The following SLC26A3 variants were observed in gnomAD, a reference collection of about 807,000 sequenced individuals.
The protein encoded by SLC26A3 is solute carrier family 26 member 3.
SLC26A3 carries 64 observed loss-of-function variants against 85.6 expected under a neutral mutation model. The ratio of observed to expected loss-of-function variants is 0.75; its 90% CI spans 0.61 to 0.92. The LOEUF (loss-of-function observed/expected upper bound fraction) is 0.92. SLC26A3 is among the 40% of genes least tolerant of loss of function. The pLI is 0.00. For synonymous variants in SLC26A3, 349 were observed against 336.0 expected (o/e 1.04, Z -0.42); for missense variants, 922 against 927.3 (o/e 0.99, Z 0.07).
intron 1 of SLC26A3, among the ~76,000 whole-genome samples, chr7:107,797,595 C>T (rs1794530299): frequency 6.6e-6 from 1 of 152,192 alleles, no homozygotes; most frequent in Non-Finnish European, 1.5e-5. Flanking sequence ...ATCCCCGCTT[C>T]CAAAAGCTAT....
At chr7:107,790,885 T>A (rs1794385649) in intron 5 of SLC26A3, among the ~76,000 whole-genome samples, 163 bp downstream of exon 5, 1 of 152,090 alleles carries the variant, frequency 6.6e-6, no homozygotes. Context: ...CTCCCTCTGG[T>A]TGTGGTGAGT....
chr7:107,775,237 A>G (rs1004000352), intron 15 of SLC26A3, among the ~76,000 whole-genome samples: 2 of 152,152 alleles, frequency 1.3e-5, no homozygotes, highest in African/African-American at 2.4e-5. Flanking sequence ...TTGCACCTAC[A>G]TAAGTATTCT....
chr7:107,766,166 T>TA (rs1435271504), intron 20 of SLC26A3, among the ~76,000 whole-genome samples: 1 of 152,210 alleles, frequency 6.6e-6, no homozygotes, highest in Non-Finnish European at 1.5e-5. Context: ...ATTCAGCTGT[T>TA]ACCCCAGTCA....
At chr7:107,793,090 C>A (rs1395491282) in intron 3 of SLC26A3, among the ~76,000 whole-genome samples, 4 of 152,154 alleles carry the variant, frequency 2.6e-5, no homozygotes, top group East Asian at 3.9e-4. Flanking sequence ...TGGACAATAA[C>A]AAGTGTTGAT....
Position 107,768,054 on chromosome 7 carries a change from A to G in SLC26A3, c.2063-146T>C, listed in dbSNP as rs568738068. On this transcript the variant is annotated intron_variant, in intron 18 of 20. Coordinates refer to ENST00000340010, the MANE Select transcript of SLC26A3 (RefSeq NM_000111.3). ...TGTGTGTGGGTTGCAGTGGTATAATACCAGTCTATCTTTAGTACAATGTCT... is the reference window on the plus strand; with the variant it reads ...TGTGTGTGGGTTGCAGTGGTATAATGCCAGTCTATCTTTAGTACAATGTCT... 2.7e-5 allele frequency: 19 copies of G among 714,610 alleles called. No homozygotes were observed. The African/African-American group carries it at 2.8e-4, about 11-fold the overall frequency. 44.3% of individuals were successfully genotyped at this position (714,610 alleles called of 1,614,324 possible). A position where few individuals can be genotyped will look rare whatever the true frequency, so the allele number is the denominator to read the frequency against.
intron 6 of SLC26A3, among the ~76,000 whole-genome samples, chr7:107,788,763 T>A (rs1794340546): frequency 6.7e-6 from 1 of 148,608 alleles, no homozygotes; most frequent in South Asian, 2.1e-4. Context: ...TTTCTTTTCT[T>A]TTCTTTTTCT....
Position 107,772,044 on chromosome 7 carries a change from A to T in SLC26A3, c.2062+10T>A. 1 of 1,605,930 alleles carries T rather than the reference A, an allele frequency of 6.2e-7. No homozygotes were observed. ...TTGTCAGAACATAAAACAAAAATAA[A>T]GCCACTTACCATCAGTTCCAACGAT... On this transcript the variant is annotated intron_variant, in intron 18 of 20. Coordinates refer to ENST00000340010, the MANE Select transcript of SLC26A3 (RefSeq NM_000111.3).
intron 12 of SLC26A3, among the ~76,000 whole-genome samples, chr7:107,778,678 C>A (rs1000060881): frequency 6.6e-6 from 1 of 151,988 alleles, no homozygotes; most frequent in Non-Finnish European, 1.5e-5. Flanking sequence ...CTAATAGAAC[C>A]AGCTGCTGTT....
intron 17 of SLC26A3, 147 bp from the exon 18 acceptor site, chr7:107,772,255 C>A: frequency 1.6e-6 from 1 of 634,480 alleles, no homozygotes; most frequent in Non-Finnish European, 2.8e-6. Flanking sequence ...TCAGAAGATA[C>A]TAAAGTTAAA....
chr7:107,800,129 G>A (rs961432673), intron 1 of SLC26A3, among the ~76,000 whole-genome samples: 4 of 152,084 alleles, frequency 2.6e-5, no homozygotes, highest in African/African-American at 4.8e-5. Flanking sequence ...TAACAGTTCC[G>A]TATCTCTGTA....
rs778152516 is a variant in SLC26A3, at chr7:107,774,838, C to T, written c.1712G>A (p.Arg571His). 15 of 1,613,976 alleles carry T rather than the reference C, an allele frequency of 9.3e-6. No individual in the cohort carries two copies. Among genetic ancestry groups the T allele is most frequent in the African/African-American group, 5.3e-5 (4 of 74,936 alleles). Residue 571 changes from arginine (R) to histidine (H), a missense_variant, in exon 16 of 21, where the codon CGC becomes CAC. Coordinates refer to ENST00000340010, the MANE Select transcript of SLC26A3 (RefSeq NM_000111.3). ...GFSPLRILRK[R>H]NKALRKIRKL... ...TCGGATTTTCCTCAAAGCTTTGTTGCGCTTGCGTAGAATTCGAAGTGGACT... is the reference window on the plus strand; with the variant it reads ...TCGGATTTTCCTCAAAGCTTTGTTGTGCTTGCGTAGAATTCGAAGTGGACT...
intron 6 of SLC26A3, 82 bp downstream of exon 6, chr7:107,789,442 A>C: frequency 7.3e-7 from 1 of 1,367,312 alleles, no homozygotes; most frequent in Non-Finnish European, 1.0e-6. Context: ...CCCCATGGCA[A>C]AGGCATTAAA....
At chr7:107,798,390 T>C (rs1430989622) in intron 1 of SLC26A3, among the ~76,000 whole-genome samples, 1 of 152,164 alleles carries the variant, frequency 6.6e-6, no homozygotes, top group Non-Finnish European at 1.5e-5. Flanking sequence ...GTTCCACCCA[T>C]TTCCAACCTG....
intron 11 of SLC26A3, 30 bp downstream of exon 11, chr7:107,782,767 A>T: frequency 6.3e-7 from 1 of 1,599,310 alleles, no homozygotes; most frequent in Non-Finnish European, 8.6e-7. Context: ...TACCACTAAA[A>T]GTAGAGATGC....
chr7:107,775,289 T>A (rs7800642), intron 15 of SLC26A3, among the ~76,000 whole-genome samples: 7,768 of 152,224 alleles, frequency 0.051, 644 homozygotes, highest in African/African-American at 0.18. Context: ...TATAATGGTA[T>A]GTTATTTATT....
Position 107,786,873 on chromosome 7 carries a change from A to G in SLC26A3, c.925T>C (p.Phe309Leu). Reference protein sequence around the residue: ...IAAGVSYGCDFKNRFKVAVVG... With the variant: ...IAAGVSYGCDLKNRFKVAVVG... ...ACAGCCACTTTAAACCTGTTTTTAA[A>G]GTCACAGCCGTAGGATACACCTGCT... Residue 309 changes from phenylalanine (F) to leucine (L), a missense_variant, in exon 8 of 21, where the codon TTT becomes CTT. Phe to Leu is a conservative substitution (Grantham distance 22, BLOSUM62 0). Transcript: ENST00000340010. 6.2e-7 allele frequency: 1 copy of G among 1,614,166 alleles called. No individual in the cohort carries two copies. Among genetic ancestry groups the G allele is most frequent in the Non-Finnish European group, 8.5e-7 (1 of 1,180,020 alleles).
chr7:107,801,415 G>T (rs1306628728), intron 1 of SLC26A3, among the ~76,000 whole-genome samples: 2 of 152,114 alleles, frequency 1.3e-5, no homozygotes, highest in Admixed American at 1.3e-4. Context: ...CAAAACATGA[G>T]CCTGGTGGCC....
Position 107,794,417 on chromosome 7 carries a change from A to G in SLC26A3, c.93T>C (p.His31=), listed in dbSNP as rs776824360. 3.7e-6 allele frequency: 6 copies of G among 1,614,038 alleles called. No homozygotes were observed. The South Asian group carries it at 6.6e-5, about 18-fold the overall frequency. ...TGAGATGATCCAGAAATGTCTTATG[A>G]TGTCTTCCTGTCTTTTTATGATTTT... is the stretch of plus-strand genomic sequence containing the variant. ...FEENHKKTGR[H]HKTFLDHLKV... is the part of the protein sequence containing the mutation. Residue 31 remains histidine, a synonymous_variant, in exon 2 of 21, where the codon CAT becomes CAC. Transcript: ENST00000340010.
chr7:107,767,960 G>A (rs1446445094), intron 18 of SLC26A3, 52 bp from the exon 19 acceptor site: 8 of 1,566,030 alleles, frequency 5.1e-6, no homozygotes, highest in East Asian at 4.5e-5. Flanking sequence ...TTTGGCTACC[G>A]GTTTCCCCTT....
Sources: allele counts gnomAD v4.1 joint callset (sites outside exome capture counted in the v4.1 genomes callset), GRCh38; gene constraint gnomAD v4.1.1; transcripts MANE v1.5; gene names NCBI Gene and HGNC (gene_info 2026-07-23, HGNC 2026-07-21).